Variants in CD109 observed in about 807,000 individuals in gnomAD.
The protein encoded by CD109 is CD109 antigen.
Under a neutral mutation model 165.8 loss-of-function variants are expected in CD109, and 149 were observed. That is an observed-to-expected ratio of 0.90 (90% confidence interval 0.79 to 1.03). CD109 has a LOEUF of 1.03. CD109 is among the 50% of genes least tolerant of loss of function. The probability of loss-of-function intolerance (pLI) is 0.00; values close to 1 mark genes in which losing one functional copy is unlikely to be tolerated. For synonymous variants in CD109, 585 were observed against 592.1 expected (o/e 0.99, Z 0.18); for missense variants, 1,712 against 1,677.8 (o/e 1.02, Z -0.36).
At chr6:73,740,618 C>T (rs113776219) in intron 5 of CD109, among the ~76,000 whole-genome samples, 210 of 57,078 alleles carry the variant, frequency 3.7e-3, no homozygotes, top group Middle Eastern at 0.01. Context: ...TTTTTTTTTT[C>T]GAGACAGAGT....
chr6:73,707,390 AGT>A (rs1771318719), intron 2 of CD109, among the ~76,000 whole-genome samples: 1 of 152,138 alleles, frequency 6.6e-6, no homozygotes, highest in Non-Finnish European at 1.5e-5. Flanking sequence ...GTATCCAAAT[AGT>A]AAATGAGAGT....
In CD109 at chr6:73,810,860, C is replaced by T. The variant is rs564594709; in HGVS notation, c.3547-132C>T. On this transcript the variant is annotated intron_variant, in intron 27 of 32. Coordinates refer to ENST00000287097, the MANE Select transcript of CD109 (RefSeq NM_133493.5). Reference sequence around the variant, plus strand: ...TCCTGTACTCTAGGCCAAGGACATTCAAATATGAATCAGGGAGCATTCCAC... The same window carrying T: ...TCCTGTACTCTAGGCCAAGGACATTTAAATATGAATCAGGGAGCATTCCAC... 5.6e-4 allele frequency: 483 copies of T among 865,014 alleles called. 10 individuals carry two copies. In the South Asian group the frequency reaches 8.6e-3, roughly 15 times the overall value. 53.6% of individuals were successfully genotyped at this position (865,014 alleles called of 1,614,324 possible).
intron 2 of CD109, among the ~76,000 whole-genome samples, chr6:73,721,941 G>A (rs1020668072): frequency 6.6e-6 from 1 of 151,852 alleles, no homozygotes; most frequent in Non-Finnish European, 1.5e-5. Flanking sequence ...TTGCCATGTT[G>A]GCCAGGCTGG....
chr6:73,684,244 G>C, the CD109 span, among the ~76,000 whole-genome samples: 4 of 146,578 alleles, frequency 2.7e-5, no homozygotes, highest in Non-Finnish European at 6.0e-5. Context: ...TTTTGAGACA[G>C]GGTCTTGCTC....
At chr6:73,803,406 G>A (rs1366316887) in intron 24 of CD109, 105 bp downstream of exon 24, 4 of 748,974 alleles carry the variant, frequency 5.3e-6, no homozygotes, top group Admixed American at 3.1e-5. Context: ...TTATAGACTG[G>A]GAGGTTGCTT....
chr6:73,735,528 G>A (rs561308064), intron 4 of CD109, among the ~76,000 whole-genome samples: 10 of 152,246 alleles, frequency 6.6e-5, no homozygotes, highest in African/African-American at 2.4e-4. Context: ...AAGTTAAAAT[G>A]TCAGGAAATG....
chr6:73,805,272 A>G (rs1046161219), intron 24 of CD109, among the ~76,000 whole-genome samples: 2 of 152,098 alleles, frequency 1.3e-5, no homozygotes, highest in Non-Finnish European at 2.9e-5. Flanking sequence ...CTTACCCCCA[A>G]CCCTGAGCTC....
chr6:73,769,221 T>C (rs1331190434), intron 14 of CD109, among the ~76,000 whole-genome samples: 1 of 152,202 alleles, frequency 6.6e-6, no homozygotes, highest in Non-Finnish European at 1.5e-5. Flanking sequence ...ATTATTACTC[T>C]CACTTTGATT....
At chr6:73,784,827 T>C (rs1774629418) in intron 19 of CD109, among the ~76,000 whole-genome samples, 2 of 152,126 alleles carry the variant, frequency 1.3e-5, no homozygotes, top group Admixed American at 1.3e-4. Flanking sequence ...ATTTCCAATT[T>C]CCTCTTTAAA....
At chr6:73,821,343 C>G (rs990761971) in intron 32 of CD109, among the ~76,000 whole-genome samples, 1 of 152,102 alleles carries the variant, frequency 6.6e-6, no homozygotes, top group Non-Finnish European at 1.5e-5. Context: ...GTAGAGCTAC[C>G]ATTTGACCCC....
chr6:73,772,137 C>T (rs1479191506), intron 15 of CD109, among the ~76,000 whole-genome samples: 3 of 152,002 alleles, frequency 2.0e-5, no homozygotes, highest in South Asian at 4.2e-4. Context: ...TTCTGGGTTA[C>T]GTTGGATAAG....
intron 3 of CD109, among the ~76,000 whole-genome samples, chr6:73,727,456 G>A (rs1772184699): frequency 6.6e-6 from 1 of 152,154 alleles, no homozygotes; most frequent in Admixed American, 6.6e-5. Flanking sequence ...GTTTTTAACG[G>A]GGAAAAGTTA....
chr6:73,749,357 A>C lies in CD109; in HGVS notation c.634-7286A>C, dbSNP rs577526138. ...AGGATCTTCACAACTTTACAAGTCC[A>C]AGATAGGGCTGGAGGGGACTGTAGG... On this transcript the variant is annotated intron_variant, in intron 5 of 32. Coordinates refer to ENST00000287097, the MANE Select transcript of CD109 (RefSeq NM_133493.5). 1.1e-4 allele frequency among the ~76,000 whole-genome samples: 17 copies of C among 152,278 alleles called. No individual in the cohort carries two copies. In the East Asian group the frequency reaches 2.9e-3, roughly 26 times the overall value.
chr6:73,759,453 G>A (rs1773528247), intron 7 of CD109, among the ~76,000 whole-genome samples: 2 of 151,982 alleles, frequency 1.3e-5, no homozygotes, highest in Non-Finnish European at 2.9e-5. Flanking sequence ...TGAGACTACA[G>A]GCATGTTCCA....
chr6:73,805,800 C>A (rs1442700224), intron 24 of CD109, among the ~76,000 whole-genome samples: 2 of 152,180 alleles, frequency 1.3e-5, no homozygotes, highest in East Asian at 3.8e-4. Flanking sequence ...TCTTACACAG[C>A]CCTTAATCCA....
Position 73,815,043 on chromosome 6 carries a change from T to G in CD109, c.3831T>G (p.Asn1277Lys). 1.9e-6 allele frequency: 3 copies of G among 1,587,792 alleles called. No individual in the cohort carries two copies. Among genetic ancestry groups the G allele is most frequent in the Non-Finnish European group, 2.6e-6 (3 of 1,171,280 alleles). ...CTAGAAGACGAAGATCTATCCAAAA[T>G]CAAGAAGCCTTTGATTTAGATGTTG... ...GSSRRRRSIQNQEAFDLDVAV... is the reference protein window; with the variant it reads ...GSSRRRRSIQKQEAFDLDVAV... Residue 1277 changes from asparagine (N) to lysine (K), a missense_variant, in exon 30 of 33, where the codon AAT (asparagine) becomes AAG (lysine). Coordinates refer to ENST00000287097, the MANE Select transcript of CD109 (RefSeq NM_133493.5).
chr6:73,772,505 CAAAA>C (rs1027095366), intron 15 of CD109, among the ~76,000 whole-genome samples: 1 of 39,566 alleles, frequency 2.5e-5, no homozygotes, highest in African/African-American at 9.4e-5. Context: ...GACTCTGTCT[CAAAA>C]AAAAAAAAAA....
At chr6:73,701,359 A>C (rs1456910093) in intron 2 of CD109, among the ~76,000 whole-genome samples, 1 of 152,194 alleles carries the variant, frequency 6.6e-6, no homozygotes, top group African/African-American at 2.4e-5. Flanking sequence ...AACTGGCAAA[A>C]CGTAGTAAAA....
chr6:73,774,175 G>C (rs1350060775), intron 15 of CD109, among the ~76,000 whole-genome samples: 1 of 152,058 alleles, frequency 6.6e-6, no homozygotes, highest in Non-Finnish European at 1.5e-5. Context: ...GAACTTTTCA[G>C]TAATTTTGTG....
Sources: allele counts gnomAD v4.1 joint callset (sites outside exome capture counted in the v4.1 genomes callset), GRCh38; gene constraint gnomAD v4.1.1; transcripts MANE v1.5; gene names NCBI Gene and HGNC (gene_info 2026-07-23, HGNC 2026-07-21).